Variants in CAPN3 observed in about 807,000 individuals in gnomAD.
CAPN3 encodes calpain-3.
In CAPN3, 88 loss-of-function variants were observed where a neutral mutation model predicts 114.0. The observed-to-expected ratio is 0.77, with a 90% confidence interval of 0.65 to 0.92. The LOEUF is 0.92. Among genes scored for constraint, CAPN3 ranks in the 40% least tolerant of loss-of-function variants. The probability of loss-of-function intolerance (pLI) is 0.00; values close to 1 mark genes in which losing one functional copy is unlikely to be tolerated. For missense variants in CAPN3, 1,028 were observed against 1,069.0 expected, an observed-to-expected ratio of 0.96 and a Z score of 0.53; for synonymous variants, 386 against 382.9, an observed-to-expected ratio of 1.01 and a Z score of -0.09.
chr15:42,368,641 A>G (rs1241747171), intron 1 of CAPN3, among the ~76,000 whole-genome samples: 1 of 152,256 alleles, frequency 6.6e-6, no homozygotes, highest in Non-Finnish European at 1.5e-5. Context: ...ATGGTTCAGT[A>G]TTTACTAATA....
intron 5 of CAPN3, among the ~76,000 whole-genome samples, chr15:42,389,577 G>A (rs922829384): frequency 6.6e-6 from 1 of 152,228 alleles, no homozygotes; most frequent in Admixed American, 6.5e-5. Context: ...TGAGACAGGA[G>A]CCAAGGGTAG....
At chr15:42,406,392 TG>T (rs2054022646) in intron 15 of CAPN3, among the ~76,000 whole-genome samples, 1 of 152,088 alleles carries the variant, frequency 6.6e-6, no homozygotes, top group Non-Finnish European at 1.5e-5. Context: ...TGGTGCCTGG[TG>T]GTGATGGATC....
chr15:42,377,409 G>A (rs2053118349), intron 1 of CAPN3, among the ~76,000 whole-genome samples: 1 of 152,052 alleles, frequency 6.6e-6, no homozygotes, highest in South Asian at 2.1e-4. Flanking sequence ...TTTGTCAAGG[G>A]CATTTTCTCC....
At position 42,399,454 on chromosome 15, in the gene CAPN3, G is replaced by C. The variant is rs201940900; in HGVS notation, c.1194-38G>C. On this transcript the variant is annotated intron_variant, in intron 9 of 23. Transcript: ENST00000397163. Reference sequence around the variant, plus strand: ...CTTCCGTTCCCAGCCCTCCTCACCTGCTCCCATATGGCTCTCTCTCTTCTT... The same window carrying C: ...CTTCCGTTCCCAGCCCTCCTCACCTCCTCCCATATGGCTCTCTCTCTTCTT... 20 of 1,544,254 alleles carry C rather than the reference G, an allele frequency of 1.3e-5. No homozygotes were observed. In the East Asian group the frequency reaches 4.5e-4, roughly 35 times the overall value.
intron 14 of CAPN3, 116 bp from the exon 15 acceptor site, chr15:42,405,810 C>T: frequency 2.6e-6 from 2 of 779,856 alleles, no homozygotes; most frequent in Non-Finnish European, 4.5e-6. Flanking sequence ...GATTTCTGGA[C>T]CCTGGAGCCC....
chr15:42,392,412 G>A (rs968916661), intron 6 of CAPN3, among the ~76,000 whole-genome samples: 5 of 152,150 alleles, frequency 3.3e-5, no homozygotes, highest in African/African-American at 1.2e-4. Context: ...CTCTCTGATG[G>A]TCAGGACAGA....
rs764593698 is a variant in CAPN3, at chr15:42,402,810, A to G, written c.1553A>G (p.Gln518Arg). 63 of 1,614,056 alleles carry G rather than the reference A, an allele frequency of 3.9e-5. No individual in the cohort carries two copies. The highest frequency in any genetic ancestry group is 4.8e-5 in the Non-Finnish European group (57 of 1,180,026). Reference sequence around the variant, plus strand: ...ATCTCTCAGATGCACGGGAACAAGCAGCACCTGCAGAAGGACTTCTTCCTG... The same window carrying G: ...ATCTCTCAGATGCACGGGAACAAGCGGCACCTGCAGAAGGACTTCTTCCTG... ...EVPKEMHGNKQHLQKDFFLYN... is the reference protein window; with the variant it reads ...EVPKEMHGNKRHLQKDFFLYN... Residue 518 changes from glutamine to arginine, a missense_variant, in exon 13 of 24, where the codon CAG becomes CGG. Physicochemically the swap from Gln to Arg is conservative, Grantham distance 43. Transcript: ENST00000397163.
At chr15:42,393,992 C>T (rs988018022) in intron 7 of CAPN3, among the ~76,000 whole-genome samples, 3 of 152,108 alleles carry the variant, frequency 2.0e-5, no homozygotes, top group African/African-American at 4.8e-5. Flanking sequence ...AAGCTCATAA[C>T]GGCAGGATGT....
intron 1 of CAPN3, among the ~76,000 whole-genome samples, chr15:42,364,694 G>C (rs913248102): frequency 2.6e-5 from 4 of 152,224 alleles, no homozygotes; most frequent in Non-Finnish European, 5.9e-5. Context: ...CCAGGAAGGA[G>C]ACTACAAAAG....
intron 1 of CAPN3, among the ~76,000 whole-genome samples, chr15:42,372,628 A>G (rs537499941): frequency 6.6e-6 from 1 of 152,128 alleles, no homozygotes; most frequent in African/African-American, 2.4e-5. Context: ...CAGGCGGATT[A>G]CCTGAAGTCA....
intron 1 of CAPN3, among the ~76,000 whole-genome samples, chr15:42,382,826 T>G (rs1351990743): frequency 1.3e-5 from 2 of 152,254 alleles, no homozygotes; most frequent in African/African-American, 4.8e-5. Context: ...ATTATTTTTC[T>G]GTGAATGGTT....
intron 16 of CAPN3, chr15:42,408,715 G>A: frequency 2.8e-6 from 1 of 358,178 alleles, no homozygotes; most frequent in South Asian, 2.2e-5. Flanking sequence ...GCTGACTTCA[G>A]AAATGGGGTC....
chr15:42,392,587 C>A, intron 6 of CAPN3, 52 bp from the exon 7 acceptor site: 1 of 1,418,124 alleles, frequency 7.1e-7, no homozygotes, highest in Non-Finnish European at 9.9e-7. Flanking sequence ...CTCCAAGCAG[C>A]AGAACTTCTG....
chr15:42,393,311 CT>C (rs1161024574), intron 7 of CAPN3, among the ~76,000 whole-genome samples: 2 of 152,182 alleles, frequency 1.3e-5, no homozygotes, highest in African/African-American at 4.8e-5. Context: ...ATTATTTTTT[CT>C]TTTTTTGAAT....
chr15:42,375,278 A>T (rs2053059651), intron 1 of CAPN3, among the ~76,000 whole-genome samples: 1 of 152,010 alleles, frequency 6.6e-6, no homozygotes, highest in African/African-American at 2.4e-5. Flanking sequence ...GGAAGGATGG[A>T]GACCTGCCTT....
At chr15:42,394,221 C>T in intron 7 of CAPN3, 35 bp from the exon 8 acceptor site, 1 of 1,527,952 alleles carries the variant, frequency 6.5e-7, no homozygotes, top group Non-Finnish European at 8.9e-7. Flanking sequence ...TCCAGAGAGG[C>T]TGCAGAGCAT....
At chr15:42,369,966 G>A (rs989283175) in intron 1 of CAPN3, among the ~76,000 whole-genome samples, 17 of 150,766 alleles carry the variant, frequency 1.1e-4, no homozygotes, top group African/African-American at 3.7e-4. Flanking sequence ...TACATCTCCT[G>A]GGTTCAATTC....
Position 42,409,315 on chromosome 15 carries a change from A to C in CAPN3, c.1927A>C (p.Ser643Arg), listed in dbSNP as rs2054128501. 1.2e-6 allele frequency: 2 copies of C among 1,614,168 alleles called. No homozygotes were observed. The highest frequency in any genetic ancestry group is 4.5e-5 in the East Asian group (2 of 44,890). The change falls in exon 17 of 24, where the codon AGC becomes CGC. Residue 643 changes from serine (S) to arginine (R), a missense_variant. Coordinates refer to ENST00000397163, the MANE Select transcript of CAPN3 (RefSeq NM_000070.3). ...TGTGCCTCCACAGCCACAGCCTGGC[A>C]GCTCTGATCAGGAAAGTGAGGAACA... ...QKQSPQPQPG[S>R]SDQESEEQQQ...
chr15:42,398,590 T>TACACAC (rs376966106), intron 9 of CAPN3, among the ~76,000 whole-genome samples: 1,847 of 120,304 alleles, frequency 0.015, 26 homozygotes, highest in Admixed American at 0.022. Flanking sequence ...TCTCAAAAAA[T>TACACAC]ACACACACAC....
Sources: allele counts gnomAD v4.1 joint callset (sites outside exome capture counted in the v4.1 genomes callset), GRCh38; gene constraint gnomAD v4.1.1; transcripts MANE v1.5; gene names NCBI Gene and HGNC (gene_info 2026-07-23, HGNC 2026-07-21).